MIER2: variants seen among roughly 807,000 people sequenced by gnomAD.
MIER2 encodes the protein MIER family member 2.
MIER2 carries 30 observed loss-of-function variants against 67.6 expected under a neutral mutation model. The observed-to-expected ratio is 0.44, with a 90% CI of 0.33 to 0.60. The LOEUF is 0.60. Among genes scored for constraint, MIER2 ranks in the 20% least tolerant of loss-of-function variants. The pLI is 0.02. For synonymous variants in MIER2, 372 were observed against 312.6 expected (o/e 1.19, Z -2.00); for missense variants, 702 against 745.1 (o/e 0.94, Z 0.67).
chr19:331,832 T>C (rs1478872302), intron 3 of MIER2, among the ~76,000 whole-genome samples: 3 of 151,542 alleles, frequency 2.0e-5, no homozygotes, highest in Non-Finnish European at 4.4e-5. Context: ...AATACAAAAA[T>C]TTGCCGGGCG....
At chr19:321,420 G>A (rs549340794) in intron 7 of MIER2, among the ~76,000 whole-genome samples, 9 of 152,278 alleles carry the variant, frequency 5.9e-5, no homozygotes, top group Middle Eastern at 3.4e-3. Flanking sequence ...CAAGGCAGGC[G>A]GATCACCTGA....
chr19:313,220 C>T (rs574146097), intron 8 of MIER2, among the ~76,000 whole-genome samples: 77 of 151,820 alleles, frequency 5.1e-4, no homozygotes, highest in Non-Finnish European at 9.9e-4. Context: ...TGGGCGATGT[C>T]AGGGCCACCT....
At chr19:311,510 G>C (rs1247764113) in intron 10 of MIER2, among the ~76,000 whole-genome samples, 1 of 152,206 alleles carries the variant, frequency 6.6e-6, no homozygotes, top group Non-Finnish European at 1.5e-5. Context: ...GCCAATGCTG[G>C]ACACTGAGCC....
Position 306,431 on chromosome 19 carries a change from C to A in MIER2, c.*259G>T, listed in dbSNP as rs946017085. The A allele has an allele frequency of 3.4e-6, 2 of 596,048 alleles. No individual in the cohort carries two copies. The highest frequency in any genetic ancestry group is 5.9e-6 in the Non-Finnish European group (2 of 336,510). 36.9% of individuals were successfully genotyped at this position (596,048 alleles called of 1,614,324 possible). On this transcript the variant is annotated 3_prime_UTR_variant, in exon 14 of 14. Transcript: ENST00000264819. ...GTCCCCGGCTGCCCGACGGATCCCA[C>A]GTGCAGGCAGCGGCCCGGACCCGGG...
intron 7 of MIER2, among the ~76,000 whole-genome samples, chr19:323,502 CCA>C (rs1971591473): frequency 1.3e-5 from 2 of 150,134 alleles, no homozygotes; most frequent in South Asian, 4.2e-4. Flanking sequence ...CAGGATACAA[CCA>C]CACAGACGAC....
At chr19:333,518 TAA>T (rs1376973597) in intron 3 of MIER2, among the ~76,000 whole-genome samples, 2 of 36,508 alleles carry the variant, frequency 5.5e-5, no homozygotes, top group Non-Finnish European at 9.7e-5. Flanking sequence ...TAATTTTTTT[TAA>T]TTTTTTTTTT....
At chr19:320,388 A>AATAG (rs202088577) in intron 7 of MIER2, among the ~76,000 whole-genome samples, 7,116 of 152,166 alleles carry the variant, frequency 0.047, 257 homozygotes, top group Non-Finnish European at 0.069. Flanking sequence ...CAAAAAACTA[A>AATAG]ATAGATAGAT....
rs1341157043 is a variant in MIER2 at position 313,588 on chromosome 19, C to T, written c.711G>A (p.Glu237=). Reference sequence around the variant, plus strand: ...CCGCCCTGTACAGGAACTCCTCCACCTCCCTCTCAGGGAGGACGCTGGGGT... The same window carrying T: ...CCGCCCTGTACAGGAACTCCTCCACTTCCCTCTCAGGGAGGACGCTGGGGT... ...LWDPSVLPER[E]VEEFLYRAVK... The change falls in exon 8 of 14, where the codon GAG becomes GAA. Residue 237 remains glutamate, a synonymous_variant. Transcript: ENST00000264819. 15 of 1,613,440 alleles carry T rather than the reference C, an allele frequency of 9.3e-6. No individual in the cohort carries two copies. The highest frequency in any genetic ancestry group is 4.5e-5 in the East Asian group (2 of 44,876).
At position 305,574 on chromosome 19, in the gene MIER2, C is replaced by G. The variant is rs539494388; in HGVS notation, c.*1116G>C. 6.6e-6 allele frequency: 1 copy of G among 152,374 alleles called. No individual in the cohort carries two copies. Among genetic ancestry groups the G allele is most frequent in the Non-Finnish European group, 1.5e-5 (1 of 68,102 alleles). 9.4% of individuals were successfully genotyped at this position (152,374 alleles called of 1,614,324 possible). A position where few individuals can be genotyped will look rare whatever the true frequency, so the allele number is the denominator to read the frequency against. On this transcript the variant is annotated 3_prime_UTR_variant, in exon 14 of 14. Transcript: ENST00000264819. ...CCACCCGATCCACCACAAGGCACCC[C>G]GGGCTTCAAATCAAGTTTAATAAAT... is the stretch of plus-strand genomic sequence containing the variant.
At chr19:342,445 C>G (rs72986442) in intron 1 of MIER2, among the ~76,000 whole-genome samples, 15,019 of 151,874 alleles carry the variant, frequency 0.099, 872 homozygotes, top group Middle Eastern at 0.14. Flanking sequence ...CACCAGCAAA[C>G]AGGAGCCCAG....
chr19:311,796 C>A (rs754427126), intron 10 of MIER2, 49 bp downstream of exon 10: 1 of 1,592,094 alleles, frequency 6.3e-7, no homozygotes, highest in South Asian at 1.1e-5. Context: ...CCCTGAGCCC[C>A]TCCCCAGATC....
chr19:343,834 G>T, intron 1 of MIER2: 1 of 985,004 alleles, frequency 1.0e-6, no homozygotes, highest in East Asian at 1.1e-4. Flanking sequence ...TCTTCACCAG[G>T]GCCCTCCAAG....
At chr19:310,624 C>T (rs560106443) in intron 10 of MIER2, among the ~76,000 whole-genome samples, 35 of 133,606 alleles carry the variant, frequency 2.6e-4, no homozygotes, top group African/African-American at 6.6e-4. Context: ...AAACACAGCC[C>T]GGAGCTATAG....
chr19:306,550 G>T lies in MIER2; in HGVS notation c.*140C>A. On this transcript the variant is annotated 3_prime_UTR_variant, in exon 14 of 14. Transcript: ENST00000264819. ...CTCACGGCCCAGCCACCTCACCCCA[G>T]TCCTGACGTGTTCTGAAGCAGAAGG... The T allele has an allele frequency of 1.7e-6, 2 of 1,168,932 alleles. No homozygotes were observed. Among genetic ancestry groups the T allele is most frequent in the Non-Finnish European group, 2.5e-6 (2 of 815,668 alleles). 72.4% of individuals were successfully genotyped at this position (1,168,932 alleles called of 1,614,324 possible).
At chr19:335,689 G>C (rs571876414) in intron 2 of MIER2, among the ~76,000 whole-genome samples, 1 of 152,202 alleles carries the variant, frequency 6.6e-6, no homozygotes, top group African/African-American at 2.4e-5. Flanking sequence ...CAGCAGCGCA[G>C]GGAGGTGCAG....
In MIER2 at chr19:311,952, C is replaced by T. The variant is rs760516194; in HGVS notation, c.890-13G>A. 1 of 1,612,446 alleles carries T rather than the reference C, an allele frequency of 6.2e-7. No homozygotes were observed. The highest frequency in any genetic ancestry group is 1.1e-5 in the South Asian group (1 of 91,046). On this transcript the variant is annotated splice_polypyrimidine_tract_variant and intron_variant, in intron 9 of 13. Coordinates refer to ENST00000264819, the MANE Select transcript of MIER2 (RefSeq NM_017550.3). Reference sequence around the variant, plus strand: ...GCACAGAGCCCATCTGCAAACACGGCCGGGGAGAACGGTCAGTGGTGCCCA... The same window carrying T: ...GCACAGAGCCCATCTGCAAACACGGTCGGGGAGAACGGTCAGTGGTGCCCA...
intron 1 of MIER2, among the ~76,000 whole-genome samples, chr19:339,079 CAA>C (rs572597641): frequency 9.4e-5 from 7 of 74,614 alleles, no homozygotes; most frequent in Admixed American, 2.7e-4. Flanking sequence ...CACAAGTGAC[CAA>C]AAAAAAAAAA....
chr19:342,355 T>C (rs550327890), intron 1 of MIER2, among the ~76,000 whole-genome samples: 42 of 152,078 alleles, frequency 2.8e-4, no homozygotes, highest in South Asian at 1.9e-3. Flanking sequence ...GCACGGGCTC[T>C]GCAACTGCGG....
chr19:343,638 G>A (rs1029185606), intron 1 of MIER2, among the ~76,000 whole-genome samples: 1 of 152,178 alleles, frequency 6.6e-6, no homozygotes, highest in African/African-American at 2.4e-5. Flanking sequence ...TTCCAATCCC[G>A]GCTTCCCACG....
Sources: gnomAD v4.1 joint callset for allele counts (sites outside exome capture counted in the v4.1 genomes callset) on GRCh38, gnomAD v4.1.1 for gene constraint, MANE v1.5 for transcripts, NCBI Gene and HGNC (gene_info 2026-07-23, HGNC 2026-07-21) for gene names.